Variants in CNTNAP3B observed in about 807,000 individuals in gnomAD.
The protein encoded by CNTNAP3B is contactin-associated protein-like 3B.
In CNTNAP3B, 25 loss-of-function variants were observed where a neutral mutation model predicts 108.9. The observed-to-expected ratio is 0.23, with a 90% confidence interval of 0.17 to 0.32. The LOEUF (loss-of-function observed/expected upper bound fraction) is 0.32. CNTNAP3B is among the 10% of genes least tolerant of loss of function. CNTNAP3B has a pLI of 1.00. For synonymous variants in CNTNAP3B, 103 were observed against 473.4 expected (o/e 0.22, Z 10.16); for missense variants, 252 against 1,210.4 (o/e 0.21, Z 11.75).
chr9:42,128,332 G>A (rs1337313862), intron 1 of CNTNAP3B, among the ~76,000 whole-genome samples: 1 of 138,410 alleles, frequency 7.2e-6, no homozygotes, highest in African/African-American at 2.9e-5. Flanking sequence ...GAACCCGATG[G>A]CAAATTAAAT....
chr9:41,943,015 C>T (rs1363121194), intron 13 of CNTNAP3B, among the ~76,000 whole-genome samples: 2 of 152,362 alleles, frequency 1.3e-5, no homozygotes, highest in East Asian at 3.9e-4. Flanking sequence ...ATCAAGCAAA[C>T]ATGCAGTTAT....
In CNTNAP3B at chr9:42,080,170, G is replaced by T. The variant is rs1364629622; in HGVS notation, c.197-3108C>A. On this transcript the variant is annotated intron_variant, in intron 2 of 23. Coordinates refer to ENST00000377561, the MANE Select transcript of CNTNAP3B (RefSeq NM_001201380.3). ...GGTGTGTTTTCATTAGATGAAGAGG[G>T]AGCCACTAGCCATCCCTCTTCTCGG... Among the ~76,000 whole-genome samples the T allele has an allele frequency of 7.3e-5, 10 of 137,130 alleles. 3 individuals are homozygous for T. The highest frequency in any genetic ancestry group is 5.1e-4 in the Admixed American group (7 of 13,754). The allele number at this position is 137,130 out of a possible 152,430, so 90.0% of individuals were successfully genotyped here.
rs1371055857 is a variant in CNTNAP3B at position 42,086,236 on chromosome 9, G to T, written c.197-9174C>A. 2.1e-5 allele frequency among the ~76,000 whole-genome samples: 3 copies of T among 141,606 alleles called. No homozygotes were observed. In the East Asian group the frequency reaches 6.3e-4, roughly 30 times the overall value. 92.9% of individuals were successfully genotyped at this position (141,606 alleles called of 152,430 possible). The stretch of plus-strand genomic sequence containing the variant: ...TGATTCTCAACTACGAGAACAGTAT[G>T]GGGGAAACCGCCCCCATGATTCAGT... On this transcript the variant is annotated intron_variant, in intron 2 of 23. Coordinates refer to ENST00000377561, the MANE Select transcript of CNTNAP3B (RefSeq NM_001201380.3).
At position 41,939,229 on chromosome 9, in the gene CNTNAP3B, G is replaced by C. The variant is rs1200949710; in HGVS notation, c.2081-829C>G. On this transcript the variant is annotated intron_variant, in intron 13 of 23. Coordinates refer to ENST00000377561, the MANE Select transcript of CNTNAP3B (RefSeq NM_001201380.3). Reference sequence around the variant, plus strand: ...GTGTCAGGCCACCTATCTTAAAAAAGGAAAGGGGTCAGAGGCCACAAGTTG... The same window carrying C: ...GTGTCAGGCCACCTATCTTAAAAAACGAAAGGGGTCAGAGGCCACAAGTTG... Among the ~76,000 whole-genome samples the C allele has an allele frequency of 7.9e-5, 12 of 152,398 alleles. No homozygotes were observed. In the East Asian group the frequency reaches 1.9e-3, roughly 24 times the overall value.
Position 42,049,533 on chromosome 9 carries a change from AC to A in CNTNAP3B, c.390+27335del, listed in dbSNP as rs1783906656. Reference sequence around the variant, plus strand: ...AAACAGCTGACTATTGCTGGGGAAAACCCCCCAGCTGTGCGGGTGGGGTCCC... The same window carrying A: ...AAACAGCTGACTATTGCTGGGGAAAACCCCCAGCTGTGCGGGTGGGGTCCC... On this transcript the variant is annotated intron_variant, in intron 3 of 23. Transcript: ENST00000377561. Among the ~76,000 whole-genome samples the A allele has an allele frequency of 1.6e-5, 2 of 125,328 alleles. 1 individual carries two copies. Among genetic ancestry groups the A allele is most frequent in the Non-Finnish European group, 3.3e-5 (2 of 60,358 alleles). The allele number at this position is 125,328 out of a possible 152,430, so 82.2% of individuals were successfully genotyped here.
At chr9:42,088,781 T>C (rs2118658513) in intron 2 of CNTNAP3B, among the ~76,000 whole-genome samples, 1 of 138,168 alleles carries the variant, frequency 7.2e-6, no homozygotes, top group Admixed American at 7.2e-5. Context: ...GGCAAAATAT[T>C]TTCTGTTGTA....
chr9:42,116,160 A>G, intron 1 of CNTNAP3B, among the ~76,000 whole-genome samples: 1 of 137,454 alleles, frequency 7.3e-6, no homozygotes, highest in East Asian at 2.2e-4. Flanking sequence ...CGAGAAAAGA[A>G]GTTTAGAGAA....
chr9:41,991,099 G>A (rs1440678928), intron 8 of CNTNAP3B, among the ~76,000 whole-genome samples: 4 of 130,714 alleles, frequency 3.1e-5, no homozygotes, highest in African/African-American at 9.3e-5. Flanking sequence ...CAGGGTGCCC[G>A]GCTATCCCAG....
chr9:41,970,293 C>T lies in CNTNAP3B; in HGVS notation c.1478-48G>A, dbSNP rs1418795421. The stretch of plus-strand genomic sequence containing the variant: ...GACAAAAGCAACAACTATGACAAAA[C>T]TATTCCACAGTATTTACTATATGAA... On this transcript the variant is annotated intron_variant, in intron 9 of 23. Transcript: ENST00000377561. 8.5e-6 allele frequency: 3 copies of T among 353,534 alleles called. 1 individual carries two copies. The highest frequency in any genetic ancestry group is 8.0e-5 in the South Asian group (3 of 37,502). The allele number at this position is 353,534 out of a possible 1,614,324, so 21.9% of individuals were successfully genotyped here.
rs1827076126 is a variant in CNTNAP3B at position 42,056,563 on chromosome 9, G to A, written c.390+20306C>T. On this transcript the variant is annotated intron_variant, in intron 3 of 23. Transcript: ENST00000377561. ...GGTGGGGTTTCACCGGGTTAGCCAG[G>A]ATGGTCTTGATCTCCTGACCTCGTG... Among the ~76,000 whole-genome samples, 2 of 137,744 alleles carry A rather than the reference G, an allele frequency of 1.5e-5. 1 individual carries two copies. Among genetic ancestry groups the A allele is most frequent in the African/African-American group, 5.7e-5 (2 of 34,796 alleles). 90.4% of individuals were successfully genotyped at this position (137,744 alleles called of 152,430 possible).
chr9:41,932,487 AATGTTGAGTCAACTTTTTAAC>A (rs1184655685), intron 14 of CNTNAP3B, among the ~76,000 whole-genome samples: 1 of 149,684 alleles, frequency 6.7e-6, no homozygotes, highest in Admixed American at 6.7e-5. Flanking sequence ...AAAAGGGAGA[AATGTTGAGTCAACTTTTTAAC>A]TTTTTTTTCT....
intron 3 of CNTNAP3B, among the ~76,000 whole-genome samples, chr9:42,041,385 T>A (rs1369153598): frequency 1.3e-5 from 2 of 151,502 alleles, no homozygotes; most frequent in African/African-American, 4.9e-5. Flanking sequence ...TTAAACAAAT[T>A]TACAAGAAAG....
At chr9:42,076,488 T>C (rs1827493914) in intron 3 of CNTNAP3B, among the ~76,000 whole-genome samples, 1 of 122,596 alleles carries the variant, frequency 8.2e-6, no homozygotes, top group Admixed American at 8.2e-5. Context: ...GACACACAAT[T>C]CTTCAAGTTC....
At chr9:42,063,640 C>A (rs1218652147) in intron 3 of CNTNAP3B, among the ~76,000 whole-genome samples, 3 of 136,816 alleles carry the variant, frequency 2.2e-5, no homozygotes, top group Non-Finnish European at 3.1e-5. Flanking sequence ...TGCCTTCCTG[C>A]CTGCCTTTTT....
intron 8 of CNTNAP3B, among the ~76,000 whole-genome samples, chr9:41,990,540 T>C (rs1220878593): frequency 1.6e-5 from 2 of 123,000 alleles, no homozygotes; most frequent in Non-Finnish European, 3.4e-5. Context: ...TACCACAACA[T>C]TTAATAGCAG....
At chr9:42,100,511 C>T (rs1827997684) in intron 2 of CNTNAP3B, among the ~76,000 whole-genome samples, 1 of 23,390 alleles carries the variant, frequency 4.3e-5, no homozygotes, top group Admixed American at 6.4e-4. Flanking sequence ...CTTCAGATGC[C>T]TTTTCTTCTA....
At chr9:41,964,784 G>T (rs62556403) in intron 10 of CNTNAP3B, 140 bp from the exon 11 acceptor site, 17,729 of 984,612 alleles carry the variant, frequency 0.018, 47 homozygotes, top group East Asian at 0.073. Flanking sequence ...TGCCATCAAG[G>T]TTCTCTAATT....
chr9:41,942,439 T>C (rs1349806284), intron 13 of CNTNAP3B, among the ~76,000 whole-genome samples: 4 of 151,998 alleles, frequency 2.6e-5, no homozygotes, highest in South Asian at 2.1e-4. Context: ...TGAAACCCCG[T>C]ATCTACTAAA....
At chr9:41,944,333 ATAC>A (rs1405627604) in intron 13 of CNTNAP3B, among the ~76,000 whole-genome samples, 29 of 145,920 alleles carry the variant, frequency 2.0e-4, no homozygotes, top group Admixed American at 1.9e-3. Context: ...GCTCTAAATA[ATAC>A]TAACAATGTA....
Sources: allele counts gnomAD v4.1 joint callset (sites outside exome capture counted in the v4.1 genomes callset), GRCh38; gene constraint gnomAD v4.1.1; transcripts MANE v1.5; gene names NCBI Gene and HGNC (gene_info 2026-07-23, HGNC 2026-07-21).